The following GRIA1 variants were observed in gnomAD, a reference collection of about 807,000 sequenced individuals.
GRIA1 encodes glutamate receptor 1.
Under a neutral mutation model 99.2 loss-of-function variants are expected in GRIA1, and 31 were observed. The observed-to-expected ratio is 0.31, with a 90% confidence interval of 0.23 to 0.42. The LOEUF is 0.42. Ranked by LOEUF, GRIA1 falls within the 10% of genes least tolerant of loss-of-function variation. The pLI is 1.00. For missense variants in GRIA1, 782 were observed against 1,157.5 expected, an observed-to-expected ratio of 0.68 and a Z score of 4.71; for synonymous variants, 438 against 432.4, an observed-to-expected ratio of 1.01 and a Z score of -0.16.
chr5:153,672,660 A>G (rs2149483276), intron 5 of GRIA1, among the ~76,000 whole-genome samples: 1 of 152,358 alleles, frequency 6.6e-6, no homozygotes, highest in African/African-American at 2.4e-5. Flanking sequence ...TCTTTTAGAT[A>G]GAAAAATCAG....
chr5:153,492,486 G>C (rs954732966), intron 1 of GRIA1, among the ~76,000 whole-genome samples: 13 of 152,142 alleles, frequency 8.5e-5, no homozygotes, highest in African/African-American at 3.1e-4. Context: ...TCATCTGGGG[G>C]GAAGGGGGAG....
rs150364913 is a variant in GRIA1 at position 153,647,007 on chromosome 5, T to C, written c.300T>C (p.Phe100=). ...GGACTGTCAACATGCTGACCTCCTTTTGTGGGGCCCTCCACGTCTGCTTCA... is the reference window on the plus strand; with the variant it reads ...GGACTGTCAACATGCTGACCTCCTTCTGTGGGGCCCTCCACGTCTGCTTCA... ...ERRTVNMLTS[F]CGALHVCFIT... The change falls in exon 3 of 16, where the codon TTT becomes TTC. Residue 100 remains phenylalanine (F), a synonymous_variant. Coordinates refer to ENST00000285900, the MANE Select transcript of GRIA1 (RefSeq NM_000827.4). 3.1e-6 allele frequency: 5 copies of C among 1,613,822 alleles called. No homozygotes were observed. In the African/African-American group the frequency reaches 6.7e-5, roughly 22 times the overall value.
intron 2 of GRIA1, among the ~76,000 whole-genome samples, chr5:153,554,568 A>G (rs1196815937): frequency 6.6e-6 from 1 of 152,164 alleles, no homozygotes; most frequent in African/African-American, 2.4e-5. Flanking sequence ...ATCTTGGCTC[A>G]CTGCAACCTC....
chr5:153,549,205 T>C (rs771392722), intron 2 of GRIA1, among the ~76,000 whole-genome samples: 2 of 152,212 alleles, frequency 1.3e-5, no homozygotes, highest in Non-Finnish European at 2.9e-5. Flanking sequence ...TACACATTAA[T>C]GATCCCTGTT....
chr5:153,613,637 A>AT (rs1766201905), intron 2 of GRIA1, among the ~76,000 whole-genome samples: 1 of 150,398 alleles, frequency 6.6e-6, no homozygotes, highest in Non-Finnish European at 1.5e-5. Context: ...AGTAATTGTG[A>AT]TTTTGCCATT....
chr5:153,577,015 TG>T (rs1482868903), intron 2 of GRIA1, among the ~76,000 whole-genome samples: 5 of 146,230 alleles, frequency 3.4e-5, no homozygotes, highest in African/African-American at 1.3e-4. Flanking sequence ...GATGGATGGA[TG>T]GATGGATAAG....
At chr5:153,749,055 A>G (rs541579667) in intron 11 of GRIA1, among the ~76,000 whole-genome samples, 1 of 152,292 alleles carries the variant, frequency 6.6e-6, no homozygotes, top group African/African-American at 2.4e-5. Context: ...CAATAGCTCA[A>G]GATTAAGCAG....
At chr5:153,668,955 G>A (rs1245191981) in intron 5 of GRIA1, among the ~76,000 whole-genome samples, 5 of 152,304 alleles carry the variant, frequency 3.3e-5, no homozygotes, top group Middle Eastern at 3.4e-3. Flanking sequence ...TCCACTGGTG[G>A]AGCAGTAGAA....
chr5:153,565,264 A>G (rs928153107), intron 2 of GRIA1, among the ~76,000 whole-genome samples: 2 of 152,186 alleles, frequency 1.3e-5, no homozygotes, highest in African/African-American at 4.8e-5. Flanking sequence ...ATTATCTAAC[A>G]TATCTGTGAG....
intron 2 of GRIA1, among the ~76,000 whole-genome samples, chr5:153,559,219 ATTCAGACCTTCCCTGC>A (rs1448500076): frequency 6.6e-6 from 1 of 152,166 alleles, no homozygotes; most frequent in Non-Finnish European, 1.5e-5. Context: ...AGGAAGCATC[ATTCAGACCTTCCCTGC>A]TTCCTGCAGA....
chr5:153,710,351 T>A (rs1289732947), intron 11 of GRIA1, among the ~76,000 whole-genome samples: 1 of 151,958 alleles, frequency 6.6e-6, no homozygotes, highest in Non-Finnish European at 1.5e-5. Flanking sequence ...GCCTCCTGAG[T>A]AGCTGGGACT....
chr5:153,792,561 G>C (rs1765365283), intron 13 of GRIA1, among the ~76,000 whole-genome samples: 2 of 152,166 alleles, frequency 1.3e-5, no homozygotes. Context: ...AAGTAGAGGA[G>C]ACAAGAGAAG....
chr5:153,581,042 A>C (rs1561660665), intron 2 of GRIA1, among the ~76,000 whole-genome samples: 1 of 152,276 alleles, frequency 6.6e-6, no homozygotes, highest in South Asian at 2.1e-4. Context: ...TTCATAGGAA[A>C]CCCAGCGGCT....
chr5:153,722,047 T>C (rs760129070), intron 11 of GRIA1, among the ~76,000 whole-genome samples: 2 of 152,204 alleles, frequency 1.3e-5, no homozygotes, highest in Non-Finnish European at 2.9e-5. Context: ...CACATTATGG[T>C]TTTAATTTGC....
intron 10 of GRIA1, among the ~76,000 whole-genome samples, chr5:153,701,602 C>A (rs1180209154): frequency 7.8e-5 from 5 of 63,982 alleles, no homozygotes; most frequent in Admixed American, 2.6e-4. Flanking sequence ...GCCTGGGCGA[C>A]AAAGCGAGAC....
At chr5:153,664,880 C>T (rs17114975) in intron 5 of GRIA1, among the ~76,000 whole-genome samples, 10,335 of 152,228 alleles carry the variant, frequency 0.068, 361 homozygotes, top group Middle Eastern at 0.13. Flanking sequence ...AGGTGTAAAC[C>T]GGCTTTTCAT....
chr5:153,565,821 GACTAT>G (rs1761564291), intron 2 of GRIA1, among the ~76,000 whole-genome samples: 1 of 143,468 alleles, frequency 7.0e-6, no homozygotes, highest in South Asian at 2.2e-4. Context: ...AATATTATAG[GACTAT>G]AGTATTTCAT....
At chr5:153,638,827 T>A (rs1753577797) in intron 2 of GRIA1, among the ~76,000 whole-genome samples, 1 of 152,212 alleles carries the variant, frequency 6.6e-6, no homozygotes, top group Non-Finnish European at 1.5e-5. Flanking sequence ...GGGTGGAGAC[T>A]TTCAGTTTAT....
At chr5:153,713,038 A>G (rs2149529955) in intron 11 of GRIA1, among the ~76,000 whole-genome samples, 1 of 152,324 alleles carries the variant, frequency 6.6e-6, no homozygotes, top group Non-Finnish European at 1.5e-5. Flanking sequence ...AAGTACAGAA[A>G]GCAAGGCCCA....
Sources: allele counts gnomAD v4.1 joint callset (sites outside exome capture counted in the v4.1 genomes callset), GRCh38; gene constraint gnomAD v4.1.1; transcripts MANE v1.5; gene names NCBI Gene and HGNC (gene_info 2026-07-23, HGNC 2026-07-21).